DENND2A: variants seen among roughly 807,000 people sequenced by gnomAD.
The protein encoded by DENND2A is DENN domain-containing protein 2A.
A neutral mutation model predicts 105.3 loss-of-function variants in DENND2A; 53 were observed. That is an observed-to-expected ratio of 0.50 (90% CI 0.40 to 0.63). The LOEUF (loss-of-function observed/expected upper bound fraction) is 0.63. Ranked by LOEUF, DENND2A falls within the 30% of genes least tolerant of loss-of-function variation. The pLI, the probability that DENND2A is intolerant of heterozygous loss-of-function variation, is 0.00. For synonymous variants in DENND2A, 522 were observed against 508.4 expected (o/e 1.03, Z -0.36); for missense variants, 1,138 against 1,279.6 (o/e 0.89, Z 1.69).
chr7:140,606,689 T>C (rs559945552), intron 1 of DENND2A, among the ~76,000 whole-genome samples: 2 of 152,302 alleles, frequency 1.3e-5, no homozygotes, highest in East Asian at 1.9e-4. Context: ...CGAGGTCATC[T>C]GTCTGGTCTA....
At chr7:140,573,206 A>C (rs1187070565) in intron 6 of DENND2A, among the ~76,000 whole-genome samples, 1 of 152,188 alleles carries the variant, frequency 6.6e-6, no homozygotes, top group Non-Finnish European at 1.5e-5. Context: ...TTTAAATCTA[A>C]GGCTCAGCTG....
At chr7:140,586,366 AACACACAC>A (rs10524571) in intron 4 of DENND2A, among the ~76,000 whole-genome samples, 3,561 of 139,584 alleles carry the variant, frequency 0.026, 106 homozygotes, top group African/African-American at 0.071. Flanking sequence ...TAAAAAAGAA[AACACACAC>A]ACACACACAC....
intron 5 of DENND2A, among the ~76,000 whole-genome samples, chr7:140,583,926 GA>G (rs35931795): frequency 1.0e-3 from 110 of 107,564 alleles, no homozygotes; most frequent in Non-Finnish European, 1.3e-3. Flanking sequence ...ACTCCGTCTC[GA>G]AAAAAAAAAA....
In DENND2A at chr7:140,550,269, T is replaced by C. The variant is rs565306098; in HGVS notation, c.2038-3330A>G. 3.9e-5 allele frequency among the ~76,000 whole-genome samples: 6 copies of C among 152,244 alleles called. No individual in the cohort carries two copies. In the South Asian group the frequency reaches 1.2e-3, roughly 32 times the overall value. On this transcript the variant is annotated intron_variant, in intron 12 of 19. Transcript: ENST00000496613. ...GTGCAATGGCATGATTTTGGCTCAC[T>C]GCAACGTCTGCCTCTCAGGTTCAAA...
rs1800487272 is a variant in DENND2A at position 140,625,510 on chromosome 7, T to C, written c.-248+14994A>G. 2.0e-5 allele frequency among the ~76,000 whole-genome samples: 3 copies of C among 152,188 alleles called. No individual in the cohort carries two copies. In the South Asian group the frequency reaches 6.2e-4, roughly 32 times the overall value. On this transcript the variant is annotated intron_variant, in intron 1 of 19. Coordinates refer to ENST00000496613, the MANE Select transcript of DENND2A (RefSeq NM_015689.5). ...GCCTGGCCAACATGGTGAAACCCTGTCTCTATTAAAAATACAAAAAAATTA... is the reference window on the plus strand; with the variant it reads ...GCCTGGCCAACATGGTGAAACCCTGCCTCTATTAAAAATACAAAAAAATTA...
intron 4 of DENND2A, 143 bp from the exon 5 acceptor site, chr7:140,585,853 T>C: frequency 8.5e-7 from 1 of 1,171,930 alleles, no homozygotes; most frequent in Non-Finnish European, 1.2e-6. Context: ...GCCCCTCCTG[T>C]TGGCAGCAGT....
intron 17 of DENND2A, among the ~76,000 whole-genome samples, chr7:140,522,462 C>T (rs541404304): frequency 3.0e-4 from 45 of 150,586 alleles, no homozygotes; most frequent in Admixed American, 2.2e-3. Flanking sequence ...TATGGGCATG[C>T]GCCACCACGC....
At position 140,551,662 on chromosome 7, in the gene DENND2A, T is replaced by C. The variant is rs530604199; in HGVS notation, c.2037+3974A>G. Among the ~76,000 whole-genome samples, 9 of 152,344 alleles carry C rather than the reference T, an allele frequency of 5.9e-5. 1 individual carries two copies. Among genetic ancestry groups the C allele is most frequent in the African/African-American group, 2.2e-4 (9 of 41,582 alleles). ...ACAAATGATTGAATCTTGAAGCCTC[T>C]GTGGTTCACTAGACAGTATTACTAT... On this transcript the variant is annotated intron_variant, in intron 12 of 19. Coordinates refer to ENST00000496613, the MANE Select transcript of DENND2A (RefSeq NM_015689.5).
At position 140,559,873 on chromosome 7, in the gene DENND2A, A is replaced by G; in HGVS notation, c.1780-56T>C. 7.4e-7 allele frequency: 1 copy of G among 1,345,536 alleles called. No homozygotes were observed. The allele number at this position is 1,345,536 out of a possible 1,614,324, so 83.3% of individuals were successfully genotyped here. A position where few individuals can be genotyped will look rare whatever the true frequency, so the allele number is the denominator to read the frequency against. The stretch of plus-strand genomic sequence containing the variant: ...GAACAAATCTCAGCATGGGAAATTG[A>G]GGCGGATGATGGTAAGGATGGCCTC... On this transcript the variant is annotated intron_variant, in intron 9 of 19. Transcript: ENST00000496613. The surrounding 1 kb of genome is among the most constrained non-coding windows in gnomAD (Gnocchi z 4.1).
At chr7:140,567,296 A>AG in intron 8 of DENND2A, 23 bp from the exon 9 acceptor site, 19 of 831,360 alleles carry the variant, frequency 2.3e-5, no homozygotes, top group Admixed American at 5.7e-5. Flanking sequence ...GGGAGAGAGA[A>AG]AGAGAGAAAG....
intron 10 of DENND2A, 53 bp from the exon 11 acceptor site, chr7:140,558,265 C>A: frequency 4.2e-6 from 6 of 1,441,376 alleles, no homozygotes; most frequent in Non-Finnish European, 5.8e-6. Flanking sequence ...ACCAAAGACA[C>A]CTCATCACTC....
In DENND2A at chr7:140,523,757, G is replaced by A. The variant is rs898871860; in HGVS notation, c.2548-333C>T. On this transcript the variant is annotated intron_variant, in intron 16 of 19. Coordinates refer to ENST00000496613, the MANE Select transcript of DENND2A (RefSeq NM_015689.5). This position sits in a 1 kb window ranked among gnomAD's most constrained non-coding sequence, Gnocchi z 4.5. Reference sequence around the variant, plus strand: ...TCCTGGCTAATGTTTTGTATTTTTAGTAGTTTAGTTTCACCATGTTAGCCA... The same window carrying A: ...TCCTGGCTAATGTTTTGTATTTTTAATAGTTTAGTTTCACCATGTTAGCCA... Among the ~76,000 whole-genome samples, 1 of 152,126 alleles carries A rather than the reference G, an allele frequency of 6.6e-6. No individual in the cohort carries two copies. The highest frequency in any genetic ancestry group is 2.4e-5 in the African/African-American group (1 of 41,420).
In DENND2A at chr7:140,551,315, A is replaced by G. The variant is rs190551207; in HGVS notation, c.2037+4321T>C. On this transcript the variant is annotated intron_variant, in intron 12 of 19. Transcript: ENST00000496613. ...ACTCCATCTCAAAAAAAAAAAAAAA[A>G]AAAAAAAGAAAGGAAAAAGGAAAAG... is the stretch of plus-strand genomic sequence containing the variant. Among the ~76,000 whole-genome samples the G allele has an allele frequency of 1.7e-3, 252 of 151,444 alleles. 3 individuals carry two copies. In the East Asian group the frequency reaches 0.042, roughly 25 times the overall value.
chr7:140,627,183 T>C (rs996996569), intron 1 of DENND2A, among the ~76,000 whole-genome samples: 7 of 152,192 alleles, frequency 4.6e-5, no homozygotes, highest in Non-Finnish European at 8.8e-5. Flanking sequence ...CTCTAACATA[T>C]TATTGTAAAT....
rs146102808 is a variant in DENND2A at position 140,552,472 on chromosome 7, C to A, written c.2037+3164G>T. ...GCACTGGTGTGAACATGACTCGCTG[C>A]AGCCTCAGCCTCCTAGGCTCAAGCA... On this transcript the variant is annotated intron_variant, in intron 12 of 19. Transcript: ENST00000496613. 3.4e-4 allele frequency among the ~76,000 whole-genome samples: 52 copies of A among 152,090 alleles called. No homozygotes were observed. In the East Asian group the frequency reaches 9.5e-3, roughly 28 times the overall value.
At chr7:140,629,617 C>T (rs1800662379) in intron 1 of DENND2A, among the ~76,000 whole-genome samples, 1 of 152,118 alleles carries the variant, frequency 6.6e-6, no homozygotes. Context: ...AATATGTTCT[C>T]TTTTGGACAC....
At chr7:140,565,151 G>C (rs1023096722) in intron 9 of DENND2A, among the ~76,000 whole-genome samples, 1 of 152,128 alleles carries the variant, frequency 6.6e-6, no homozygotes, top group Non-Finnish European at 1.5e-5. Flanking sequence ...ACAAAAGGAG[G>C]GGAGGCCTGG....
chr7:140,573,357 C>A (rs762342709), intron 6 of DENND2A, among the ~76,000 whole-genome samples: 2 of 152,114 alleles, frequency 1.3e-5, no homozygotes, highest in Non-Finnish European at 2.9e-5. Flanking sequence ...TGTATATTTC[C>A]AAGCCCCTGG....
chr7:140,540,748 C>T (rs1012987542), intron 14 of DENND2A, among the ~76,000 whole-genome samples: 6 of 151,720 alleles, frequency 4.0e-5, no homozygotes, highest in East Asian at 1.9e-4. Flanking sequence ...GACAGGGTCT[C>T]GCTCTGTCGC....
Sources: allele counts gnomAD v4.1 joint callset (sites outside exome capture counted in the v4.1 genomes callset), GRCh38; gene constraint gnomAD v4.1.1; non-coding constraint Gnocchi (gnomAD v3.1); transcripts MANE v1.5; gene names NCBI Gene and HGNC (gene_info 2026-07-23, HGNC 2026-07-21).